TSPAN12: variants seen among roughly 807,000 people sequenced by gnomAD.
The protein encoded by TSPAN12 is tetraspanin-12.
TSPAN12 carries 19 observed loss-of-function variants against 39.2 expected under a neutral mutation model. That is an observed-to-expected ratio of 0.49 (90% confidence interval 0.34 to 0.71). The LOEUF (loss-of-function observed/expected upper bound fraction) is 0.71, where lower values mean the gene tolerates loss of function less well. Among genes scored for constraint, TSPAN12 ranks in the 30% least tolerant of loss-of-function variants. The probability of loss-of-function intolerance (pLI) is 0.01; values close to 1 mark genes in which losing one functional copy is unlikely to be tolerated. For missense variants in TSPAN12, 314 were observed against 359.9 expected (o/e 0.87, Z 1.03); for synonymous variants, 119 against 124.8 (o/e 0.95, Z 0.31).
At chr7:120,853,906 A>G (rs868850277) in intron 2 of TSPAN12, among the ~76,000 whole-genome samples, 17 of 151,846 alleles carry the variant, frequency 1.1e-4, no homozygotes, top group African/African-American at 3.9e-4. Context: ...AAAGAAAGTT[A>G]TATTACACAG....
At chr7:120,817,325 G>A (rs553926200) in intron 4 of TSPAN12, among the ~76,000 whole-genome samples, 1 of 151,976 alleles carries the variant, frequency 6.6e-6, no homozygotes, top group African/African-American at 2.4e-5. Context: ...GGAGATTGAG[G>A]CTGTAGTGAG....
chr7:120,809,734 C>A (rs1169053947), intron 6 of TSPAN12, among the ~76,000 whole-genome samples: 2 of 152,076 alleles, frequency 1.3e-5, no homozygotes, highest in Admixed American at 6.6e-5. Context: ...TCCAAGTCAC[C>A]AAATTTTAAA....
chr7:120,814,037 C>A (rs1028038902), intron 5 of TSPAN12: 3 of 334,702 alleles, frequency 9.0e-6, no homozygotes, highest in Non-Finnish European at 1.8e-5. Flanking sequence ...GCATGAGTGT[C>A]TTCACAGAGA....
At chr7:120,795,313 C>T (rs1419330323) in intron 7 of TSPAN12, among the ~76,000 whole-genome samples, 1 of 152,208 alleles carries the variant, frequency 6.6e-6, no homozygotes, top group Non-Finnish European at 1.5e-5. Flanking sequence ...ACCTACTTTA[C>T]TTGCTACAAT....
At position 120,850,464 on chromosome 7, in the gene TSPAN12, C is replaced by T. The variant is rs142019132; in HGVS notation, c.66+6234G>A. On this transcript the variant is annotated intron_variant, in intron 2 of 7. Coordinates refer to ENST00000222747, the MANE Select transcript of TSPAN12 (RefSeq NM_012338.4). ...ACATGATAGTTTCTGTGCAGTCTAACTGCAGTAAACTCCACTTCCCCAGTG... is the reference window on the plus strand; with the variant it reads ...ACATGATAGTTTCTGTGCAGTCTAATTGCAGTAAACTCCACTTCCCCAGTG... Among the ~76,000 whole-genome samples the T allele has an allele frequency of 1.6e-4, 25 of 152,334 alleles. No individual in the cohort carries two copies. The East Asian group carries it at 4.2e-3, about 26-fold the overall frequency.
chr7:120,794,050 C>CT (rs1477603530), intron 7 of TSPAN12, among the ~76,000 whole-genome samples: 1 of 152,232 alleles, frequency 6.6e-6, no homozygotes, highest in Non-Finnish European at 1.5e-5. Context: ...CAGTAACTGT[C>CT]TGTCTTCATG....
At chr7:120,845,027 G>A (rs991514618) in intron 2 of TSPAN12, among the ~76,000 whole-genome samples, 2 of 152,176 alleles carry the variant, frequency 1.3e-5, no homozygotes, top group African/African-American at 4.8e-5. Context: ...CTTAACTGTT[G>A]CCCTCTGTGC....
At chr7:120,842,672 T>C (rs1364606143) in intron 2 of TSPAN12, among the ~76,000 whole-genome samples, 2 of 152,116 alleles carry the variant, frequency 1.3e-5, no homozygotes, top group Non-Finnish European at 2.9e-5. Flanking sequence ...TTTAGAAAGA[T>C]GGGCAGTGGG....
At chr7:120,808,760 C>A (rs1793922713) in intron 6 of TSPAN12, among the ~76,000 whole-genome samples, 1 of 152,100 alleles carries the variant, frequency 6.6e-6, no homozygotes, top group Non-Finnish European at 1.5e-5. Flanking sequence ...GCAAAGGAGA[C>A]TGGCACCTGA....
chr7:120,856,968 T>A (rs1319944954), intron 1 of TSPAN12, 135 bp from the exon 2 acceptor site: 11 of 626,774 alleles, frequency 1.8e-5, no homozygotes, highest in Admixed American at 2.7e-5. Flanking sequence ...CATCGCCTCA[T>A]CAAAAATCAT....
intron 4 of TSPAN12, among the ~76,000 whole-genome samples, chr7:120,827,376 G>T (rs576326054): frequency 3.3e-5 from 5 of 152,016 alleles, no homozygotes; most frequent in Non-Finnish European, 7.4e-5. Context: ...ATATATTCAT[G>T]CACATACACT....
intron 7 of TSPAN12, among the ~76,000 whole-genome samples, chr7:120,798,583 T>C (rs1301241212): frequency 3.3e-5 from 5 of 152,208 alleles, no homozygotes; most frequent in Admixed American, 3.3e-4. Context: ...TCCTAAACCG[T>C]CTTTTTATAG....
intron 6 of TSPAN12, among the ~76,000 whole-genome samples, chr7:120,807,245 T>C (rs2116350863): frequency 6.6e-6 from 1 of 152,260 alleles, no homozygotes; most frequent in Non-Finnish European, 1.5e-5. Flanking sequence ...CTGGTGTTTA[T>C]TCAACTGAGT....
chr7:120,825,170 A>G (rs967464746), intron 4 of TSPAN12, among the ~76,000 whole-genome samples: 1 of 152,198 alleles, frequency 6.6e-6, no homozygotes, highest in African/African-American at 2.4e-5. Context: ...TTTGTGTGCA[A>G]GCAAGCAGAT....
At chr7:120,822,483 A>C (rs1794206397) in intron 4 of TSPAN12, among the ~76,000 whole-genome samples, 1 of 152,086 alleles carries the variant, frequency 6.6e-6, no homozygotes, top group South Asian at 2.1e-4. Flanking sequence ...GGGAAAACTG[A>C]AAAAAGGAAA....
intron 2 of TSPAN12, among the ~76,000 whole-genome samples, chr7:120,854,961 C>G (rs1438433987): frequency 6.6e-6 from 1 of 152,070 alleles, no homozygotes; most frequent in Non-Finnish European, 1.5e-5. Context: ...GGTTTAAGTA[C>G]AGGGTAACAA....
chr7:120,853,316 T>A (rs7800318), intron 2 of TSPAN12, among the ~76,000 whole-genome samples: 22,879 of 151,340 alleles, frequency 0.15, 2,710 homozygotes, highest in East Asian at 0.34. Flanking sequence ...ATGGTCTCAA[T>A]CTCTTGACCT....
chr7:120,833,582 A>G (rs564584888), intron 4 of TSPAN12, among the ~76,000 whole-genome samples: 1 of 152,076 alleles, frequency 6.6e-6, no homozygotes, highest in Admixed American at 6.5e-5. Flanking sequence ...ATAAAATTGG[A>G]AAAAAAAGCA....
intron 4 of TSPAN12, among the ~76,000 whole-genome samples, chr7:120,829,894 T>C (rs1562948320): frequency 6.6e-6 from 1 of 152,182 alleles, no homozygotes. Context: ...GAATCATTCA[T>C]ATTTCAAACC....
Sources: allele counts gnomAD v4.1 joint callset (sites outside exome capture counted in the v4.1 genomes callset), GRCh38; gene constraint gnomAD v4.1.1; transcripts MANE v1.5; gene names NCBI Gene and HGNC (gene_info 2026-07-23, HGNC 2026-07-21).